Variants in TRHDE observed in about 807,000 individuals in gnomAD.
The protein encoded by TRHDE is thyrotropin releasing hormone degrading enzyme.
Under a neutral mutation model 125.7 loss-of-function variants are expected in TRHDE, and 72 were observed. The observed-to-expected ratio is 0.57, with a 90% CI of 0.47 to 0.70. The LOEUF is 0.70. TRHDE is among the 30% of genes least tolerant of loss of function. TRHDE has a pLI of 0.00. For missense variants in TRHDE, 1,110 were observed against 1,327.1 expected (o/e 0.84, Z 2.54); for synonymous variants, 509 against 509.1 (o/e 1.00, Z 0.00).
At chr12:72,382,692 CA>C (rs1872240511) in intron 3 of TRHDE, among the ~76,000 whole-genome samples, 1 of 152,166 alleles carries the variant, frequency 6.6e-6, no homozygotes, top group African/African-American at 2.4e-5. Context: ...GTGTGAATTT[CA>C]GGGTGTTACA....
rs928604256 is a variant in TRHDE, at chr12:72,273,072, C to T, written c.429C>T (p.Arg143=). The T allele has an allele frequency of 7.9e-6, 12 of 1,526,914 alleles. No homozygotes were observed. Among genetic ancestry groups the T allele is most frequent in the Admixed American group, 2.0e-5 (1 of 51,144 alleles). 94.6% of individuals were successfully genotyped at this position (1,526,914 alleles called of 1,614,324 possible). ...GGAGCCTCCCTGGATCGGCCCGGCG[C>T]AACCACCACGCAGGCGGGGACTCCT... ...GNGSLPGSAR[R]NHHAGGDSWQ... is the part of the protein sequence containing the mutation. The change falls in exon 1 of 19, where the codon CGC becomes CGT. Residue 143 remains arginine (R), a synonymous_variant. Coordinates refer to ENST00000261180, the MANE Select transcript of TRHDE (RefSeq NM_013381.3). The surrounding 1 kb of genome is among the most constrained non-coding windows in gnomAD (Gnocchi z 5.3).
chr12:72,330,045 T>C (rs1258072360), intron 2 of TRHDE, among the ~76,000 whole-genome samples: 1 of 152,192 alleles, frequency 6.6e-6, no homozygotes, highest in Non-Finnish European at 1.5e-5. Flanking sequence ...TCCCTCCTCA[T>C]GCCTAGCCAC....
intron 3 of TRHDE, among the ~76,000 whole-genome samples, chr12:72,430,215 CAT>C (rs964321981): frequency 4.1e-5 from 6 of 146,000 alleles, no homozygotes; most frequent in African/African-American, 1.0e-4. Flanking sequence ...CATTCTTTTG[CAT>C]ATATATATAT....
chr12:72,227,104 T>C (rs997129725), intron 2 of TRHDE, among the ~76,000 whole-genome samples: 13 of 152,086 alleles, frequency 8.5e-5, no homozygotes, highest in African/African-American at 3.1e-4. Flanking sequence ...ATTTTAGAAA[T>C]AAATAAACTC....
At chr12:72,122,024 G>A (rs1450931918) in intron 2 of TRHDE, among the ~76,000 whole-genome samples, 4 of 152,050 alleles carry the variant, frequency 2.6e-5, no homozygotes, top group African/African-American at 9.7e-5. Context: ...TGGCTTTGTG[G>A]TAAAGGATAT....
chr12:72,128,452 A>T lies in TRHDE; in HGVS notation n.279+22700A>T, dbSNP rs1361186337. Reference sequence around the variant, plus strand: ...GCATGCAAAGAAGCAGGACAACATGATCCATCATCATGCAATTGAAACTAA... The same window carrying T: ...GCATGCAAAGAAGCAGGACAACATGTTCCATCATCATGCAATTGAAACTAA... On this transcript the variant is annotated intron_variant and non_coding_transcript_variant, in intron 2 of 4. Coordinates refer to the TRHDE transcript ENST00000548156. Among the ~76,000 whole-genome samples the T allele has an allele frequency of 2.0e-5, 3 of 152,206 alleles. No homozygotes were observed. The East Asian group carries it at 5.8e-4, about 29-fold the overall frequency.
Position 72,146,393 on chromosome 12 carries a change from C to G in TRHDE, n.279+40641C>G, listed in dbSNP as rs145765255. Among the ~76,000 whole-genome samples, 35 of 152,296 alleles carry G rather than the reference C, an allele frequency of 2.3e-4. No homozygotes were observed. In the East Asian group the frequency reaches 6.0e-3, roughly 26 times the overall value. On this transcript the variant is annotated intron_variant and non_coding_transcript_variant, in intron 2 of 4. Transcript: ENST00000548156. ...CTTATTTTTACTTATGCTGCCTCCC[C>G]CATCTGAATTTCCATCTCTTACTTC...
At chr12:72,619,204 TGAA>T (rs1337224568) in intron 13 of TRHDE, among the ~76,000 whole-genome samples, 166 bp downstream of exon 13, 1 of 152,152 alleles carries the variant, frequency 6.6e-6, no homozygotes, top group Non-Finnish European at 1.5e-5. Flanking sequence ...GACAATTATT[TGAA>T]GAAGAAATTT....
chr12:72,356,838 T>C (rs1245377052), intron 2 of TRHDE, among the ~76,000 whole-genome samples: 1 of 151,494 alleles, frequency 6.6e-6, no homozygotes, highest in Non-Finnish European at 1.5e-5. Context: ...GGTGAAACTA[T>C]GAAACTCCAA....
intron 3 of TRHDE, among the ~76,000 whole-genome samples, chr12:72,381,666 G>T (rs1027452999): frequency 6.6e-6 from 1 of 152,144 alleles, no homozygotes; most frequent in Non-Finnish European, 1.5e-5. Context: ...AAAGTGCTGG[G>T]ATTACAGGCG....
chr12:72,098,267 G>A (rs1874983240), intron 1 of TRHDE, among the ~76,000 whole-genome samples: 1 of 152,102 alleles, frequency 6.6e-6, no homozygotes, highest in Non-Finnish European at 1.5e-5. Context: ...AGACTTACAT[G>A]AAGTTATAAG....
At position 72,667,382 on chromosome 12, in the gene TRHDE, T is replaced by C. The variant is rs1403553788; in HGVS notation, c.*4187T>C. The stretch of plus-strand genomic sequence containing the variant: ...GATAATTTTTCATTATCAGAGATCA[T>C]AGCTGAATTATCATTTGACAATACA... On this transcript the variant is annotated 3_prime_UTR_variant, in exon 19 of 19. Transcript: ENST00000261180. 1 of 151,726 alleles carries C rather than the reference T, an allele frequency of 6.6e-6. No individual in the cohort carries two copies. The highest frequency in any genetic ancestry group is 1.5e-5 in the Non-Finnish European group (1 of 67,808). 9.4% of individuals were successfully genotyped at this position (151,726 alleles called of 1,614,324 possible).
At chr12:72,308,461 T>G (rs1251343449) in intron 2 of TRHDE, among the ~76,000 whole-genome samples, 1 of 152,108 alleles carries the variant, frequency 6.6e-6, no homozygotes, top group African/African-American at 2.4e-5. Context: ...TTAACCACTT[T>G]AAATAAGTAA....
intron 2 of TRHDE, among the ~76,000 whole-genome samples, chr12:72,341,076 G>A (rs1870061498): frequency 1.3e-5 from 2 of 150,928 alleles, no homozygotes; most frequent in Non-Finnish European, 2.9e-5. Context: ...CCATCCATGT[G>A]TTTCTAAAAC....
chr12:72,186,769 T>G (rs1228194673), intron 2 of TRHDE, among the ~76,000 whole-genome samples: 1 of 152,152 alleles, frequency 6.6e-6, no homozygotes, highest in East Asian at 1.9e-4. Context: ...TGACTTTTTA[T>G]TAGACATGGA....
intron 2 of TRHDE, among the ~76,000 whole-genome samples, chr12:72,230,606 T>C (rs1195856791): frequency 2.0e-5 from 3 of 151,982 alleles, no homozygotes; most frequent in Non-Finnish European, 4.4e-5. Context: ...AGAAATCCTA[T>C]GATGGCCGAG....
intron 2 of TRHDE, among the ~76,000 whole-genome samples, chr12:72,205,696 T>A (rs1877651014): frequency 6.6e-6 from 1 of 152,238 alleles, no homozygotes; most frequent in Non-Finnish European, 1.5e-5. Context: ...ATTTTCCTTT[T>A]TTAAACAAGG....
intron 4 of TRHDE, among the ~76,000 whole-genome samples, chr12:72,472,049 G>A (rs989566315): frequency 5.3e-5 from 8 of 152,202 alleles, no homozygotes; most frequent in African/African-American, 1.7e-4. Flanking sequence ...TATCATGGAA[G>A]TCTGAGCTCA....
intron 12 of TRHDE, among the ~76,000 whole-genome samples, chr12:72,596,666 A>C (rs1871954330): frequency 1.3e-5 from 2 of 152,198 alleles, no homozygotes; most frequent in South Asian, 4.1e-4. Context: ...ATTTAGGATG[A>C]CCTTTGATCT....
Sources: gnomAD v4.1 joint callset for allele counts (sites outside exome capture counted in the v4.1 genomes callset) on GRCh38, gnomAD v4.1.1 for gene constraint, Gnocchi (gnomAD v3.1) non-coding constraint, MANE v1.5 for transcripts, NCBI Gene and HGNC (gene_info 2026-07-23, HGNC 2026-07-21) for gene names.